The following STARD13 variants were observed in gnomAD, a reference collection of about 807,000 sequenced individuals.
STARD13 encodes stAR-related lipid transfer protein 13.
Under a neutral mutation model 106.4 loss-of-function variants are expected in STARD13, and 62 were observed. The observed-to-expected ratio is 0.58, with a 90% confidence interval of 0.48 to 0.72. The LOEUF (loss-of-function observed/expected upper bound fraction) is 0.72, where lower values mean the gene tolerates loss of function less well. STARD13 is among the 30% of genes least tolerant of loss of function. STARD13 has a pLI of 0.00. For missense variants in STARD13, 1,387 were observed against 1,424.0 expected (o/e 0.97, Z 0.42); for synonymous variants, 565 against 553.0 (o/e 1.02, Z -0.31).
the STARD13 span, among the ~76,000 whole-genome samples, chr13:33,477,722 A>G: frequency 1.6e-4 from 25 of 152,356 alleles, no homozygotes; most frequent in African/African-American, 5.1e-4. Flanking sequence ...TGAAGCAGCC[A>G]GAAAGATCAA....
At chr13:33,392,481 CCT>C in the STARD13 span, among the ~76,000 whole-genome samples, 1 of 152,150 alleles carries the variant, frequency 6.6e-6, no homozygotes, top group African/African-American at 2.4e-5. Context: ...CTCACTGCAA[CCT>C]CCGTCTCCTG....
chr13:33,606,313 AAG>A, the STARD13 span, among the ~76,000 whole-genome samples: 2 of 152,198 alleles, frequency 1.3e-5, no homozygotes, highest in Non-Finnish European at 2.9e-5. Context: ...AAAAGAAAAA[AAG>A]AAAAAATGCA....
chr13:33,258,995 C>T (rs1362859177), intron 1 of STARD13, among the ~76,000 whole-genome samples: 3 of 152,316 alleles, frequency 2.0e-5, no homozygotes, highest in East Asian at 3.9e-4. Context: ...AGGAACATTG[C>T]CTAATCTTGG....
the STARD13 span, among the ~76,000 whole-genome samples, chr13:33,566,308 A>G: frequency 1.3e-5 from 2 of 148,398 alleles, 1 homozygote; most frequent in African/African-American, 4.9e-5. Context: ...ATGTACATAT[A>G]GGAAGAAAAC....
the STARD13 span, among the ~76,000 whole-genome samples, chr13:33,360,223 G>C: frequency 1.4e-5 from 2 of 147,908 alleles, no homozygotes; most frequent in Non-Finnish European, 3.0e-5. Flanking sequence ...TTTTTCTTCT[G>C]AGACGGAGTC....
At chr13:33,524,336 G>T in the STARD13 span, 1 of 1,172,418 alleles carries the variant, frequency 8.5e-7, no homozygotes, top group Non-Finnish European at 1.1e-6. Context: ...TTCTTCTGAT[G>T]ATTTTTCTTA....
intron 4 of STARD13, among the ~76,000 whole-genome samples, chr13:33,135,430 G>A: frequency 6.6e-6 from 1 of 152,216 alleles, no homozygotes; most frequent in Admixed American, 6.5e-5. Flanking sequence ...TGGTACTGGT[G>A]TGTGGTCAAT....
chr13:33,633,313 C>G, the STARD13 span, among the ~76,000 whole-genome samples: 1 of 152,136 alleles, frequency 6.6e-6, no homozygotes. Flanking sequence ...ATGCTAGAGC[C>G]TCATATTAGA....
chr13:33,611,203 A>G, the STARD13 span: 4 of 152,378 alleles, frequency 2.6e-5, no homozygotes, highest in Non-Finnish European at 5.9e-5. Flanking sequence ...TGGCAGGGCC[A>G]GCTGCTGGCA....
chr13:33,402,188 C>T, the STARD13 span, among the ~76,000 whole-genome samples: 1 of 152,158 alleles, frequency 6.6e-6, no homozygotes, highest in Non-Finnish European at 1.5e-5. Flanking sequence ...TTGTACATCT[C>T]CCATGATATT....
chr13:33,528,271 T>TATATATATACATATATATATATAC, the STARD13 span, among the ~76,000 whole-genome samples: 4 of 127,240 alleles, frequency 3.1e-5, no homozygotes, highest in South Asian at 2.4e-4. Flanking sequence ...TATATATATA[T>TATATATATACATATATATATATAC]ATACTCTTTT....
At chr13:33,497,389 GCAAA>G in the STARD13 span, among the ~76,000 whole-genome samples, 1 of 152,120 alleles carries the variant, frequency 6.6e-6, no homozygotes, top group Non-Finnish European at 1.5e-5. Context: ...TCCTCTATCA[GCAAA>G]CAGAGTTGAA....
At chr13:33,265,942 T>C (rs1207884565) in intron 1 of STARD13, among the ~76,000 whole-genome samples, 2 of 152,138 alleles carry the variant, frequency 1.3e-5, no homozygotes, top group Non-Finnish European at 2.9e-5. Context: ...AACATAAAAA[T>C]TTTATAAGGC....
At chr13:33,204,103 G>A (rs745921875) in intron 1 of STARD13, among the ~76,000 whole-genome samples, 12 of 152,160 alleles carry the variant, frequency 7.9e-5, no homozygotes, top group East Asian at 1.9e-4. Context: ...AATTAAAATC[G>A]TCTCCATAAG....
chr13:33,502,291 C>T, the STARD13 span, among the ~76,000 whole-genome samples: 11 of 152,080 alleles, frequency 7.2e-5, no homozygotes, highest in African/African-American at 1.4e-4. Context: ...TGGGCTGAGA[C>T]GATGGGGTTT....
chr13:33,157,158 C>T (rs551723604), intron 3 of STARD13, among the ~76,000 whole-genome samples: 45 of 152,158 alleles, frequency 3.0e-4, no homozygotes, highest in Non-Finnish European at 4.4e-5. Context: ...TTTGTCAACA[C>T]TACCTTCCAA....
At chr13:33,141,507 T>C (rs1879825889) in intron 4 of STARD13, among the ~76,000 whole-genome samples, 1 of 152,208 alleles carries the variant, frequency 6.6e-6, no homozygotes, top group Admixed American at 6.5e-5. Context: ...TGGCAAGTCC[T>C]GTGATGGGGA....
chr13:33,316,751 T>C (rs1215719041), intron 1 of STARD13, among the ~76,000 whole-genome samples: 1 of 152,202 alleles, frequency 6.6e-6, no homozygotes, highest in African/African-American at 2.4e-5. Flanking sequence ...ACTTATCCAC[T>C]GCATTCATTT....
the STARD13 span, among the ~76,000 whole-genome samples, chr13:33,514,086 A>G: frequency 6.6e-6 from 1 of 152,184 alleles, no homozygotes; most frequent in Non-Finnish European, 1.5e-5. Context: ...GAAAATACCC[A>G]TTACACACAT....
Sources: gnomAD v4.1 joint callset for allele counts (sites outside exome capture counted in the v4.1 genomes callset) on GRCh38, gnomAD v4.1.1 for gene constraint, MANE v1.5 for transcripts, NCBI Gene and HGNC (gene_info 2026-07-23, HGNC 2026-07-21) for gene names.